The following PTCHD1 variants were observed in gnomAD, a reference collection of about 807,000 sequenced individuals.
PTCHD1 encodes the protein patched domain containing 1.
In PTCHD1, 3 loss-of-function variants were observed where a neutral mutation model predicts 34.6. The ratio of observed to expected loss-of-function variants is 0.09; its 90% CI spans 0.04 to 0.22. PTCHD1 has a LOEUF of 0.22. Among genes scored for constraint, PTCHD1 ranks in the 10% least tolerant of loss-of-function variants. The pLI is 1.00. For missense variants in PTCHD1, 504 were observed against 685.5 expected, an observed-to-expected ratio of 0.74 and a Z score of 2.96; for synonymous variants, 305 against 283.1, an observed-to-expected ratio of 1.08 and a Z score of -0.77.
At chrX:23,342,290 ATATATATATATATATATATATTTT>A (rs1234493950) in intron 1 of PTCHD1, among the ~76,000 whole-genome samples, 22 of 5,987 alleles carry the variant, frequency 3.7e-3, no homozygotes, top group South Asian at 0.016. Flanking sequence ...ATATATATAT[ATATATATATATATATATATATTTT>A]TTTTTTTTTT....
At chrX:23,374,853 T>A (rs925760118) in intron 1 of PTCHD1, among the ~76,000 whole-genome samples, 1 of 111,901 alleles carries the variant, frequency 8.9e-6, no homozygotes, top group Non-Finnish European at 1.9e-5. Context: ...TGTCCTTAAA[T>A]ATTAGCTAGA....
intron 1 of PTCHD1, among the ~76,000 whole-genome samples, chrX:23,365,633 C>A (rs1922120562): frequency 1.8e-5 from 2 of 111,825 alleles, no homozygotes; most frequent in Admixed American, 1.9e-4. Flanking sequence ...TGATCCCACC[C>A]ATGGGGAGGG....
chrX:23,375,287 C>CTTTTT (rs72075900), intron 1 of PTCHD1, among the ~76,000 whole-genome samples: 10 of 83,693 alleles, frequency 1.2e-4, no homozygotes, highest in East Asian at 4.0e-4. Flanking sequence ...GCTGACAATT[C>CTTTTT]TTTTTTTTTT....
chrX:23,360,534 C>T (rs5926294), intron 1 of PTCHD1, among the ~76,000 whole-genome samples: 28,476 of 109,538 alleles, frequency 0.26, 3,107 homozygotes, highest in East Asian at 0.57. Context: ...TTGATTCTTC[C>T]CTCTTTTCTT....
intron 1 of PTCHD1, among the ~76,000 whole-genome samples, chrX:23,366,748 T>C (rs951171468): frequency 3.6e-5 from 4 of 111,735 alleles, no homozygotes; most frequent in Non-Finnish European, 7.5e-5. Flanking sequence ...ACAGTTTGAA[T>C]TTTCTGTGAG....
At position 23,379,791 on chromosome X, in the gene PTCHD1, G is replaced by A. The variant is rs747348529; in HGVS notation, c.552G>A (p.Arg184=). The change falls in exon 2 of 3, where the codon AGG becomes AGA. Residue 184 remains arginine (R), a synonymous_variant. Transcript: ENST00000379361. ...CAATCACTCACTTAAAGGACGGGAG[G>A]GCTGTGTACAATGGGCACCAGCTTG... The part of the protein sequence containing the change: ...TYPITHLKDG[R]AVYNGHQLGG... 5.0e-6 allele frequency: 6 copies of A among 1,209,184 alleles called. No homozygotes were observed. In the African/African-American group the frequency reaches 8.8e-5, roughly 18 times the overall value.
chrX:23,387,725 ATCTC>A (rs1359718737), intron 2 of PTCHD1, among the ~76,000 whole-genome samples: 3 of 110,075 alleles, frequency 2.7e-5, no homozygotes, highest in African/African-American at 3.3e-5. Context: ...GCTCCCTTCA[ATCTC>A]TCTCTCTCTC....
chrX:23,372,903 C>A (rs1008039014), intron 1 of PTCHD1, among the ~76,000 whole-genome samples: 1 of 111,893 alleles, frequency 8.9e-6, no homozygotes, highest in African/African-American at 3.3e-5. Flanking sequence ...TCTAAACATT[C>A]TAATCAGAAA....
chrX:23,358,376 T>C (rs1921870332), intron 1 of PTCHD1, among the ~76,000 whole-genome samples: 1 of 112,394 alleles, frequency 8.9e-6, no homozygotes, highest in Non-Finnish European at 1.9e-5. Context: ...TGGTATCTCA[T>C]TGTGGTTTTG....
In PTCHD1 at chrX:23,376,030, C is replaced by G. The variant is rs1425820524; in HGVS notation, c.352-3561C>G. Among the ~76,000 whole-genome samples, 26 of 111,806 alleles carry G rather than the reference C, an allele frequency of 2.3e-4. No individual in the cohort carries two copies. In the Admixed American group the frequency reaches 2.4e-3, roughly 10 times the overall value. On this transcript the variant is annotated intron_variant, in intron 1 of 2. Coordinates refer to ENST00000379361, the MANE Select transcript of PTCHD1 (RefSeq NM_173495.3). ...GACACTGGTTCGGGCTTTACTAGTA[C>G]AAAGCACTTGGCGTTGTTTACTGTT...
In PTCHD1 at chrX:23,381,421, C is replaced by A. The variant is rs754333169; in HGVS notation, c.1012+1170C>A. On this transcript the variant is annotated intron_variant, in intron 2 of 2. Coordinates refer to ENST00000379361, the MANE Select transcript of PTCHD1 (RefSeq NM_173495.3). ...AATTCCTTTAACAAAATTAAAATGT[C>A]ATTTGGAATCAGATACTCACATGAC... Among the ~76,000 whole-genome samples the A allele has an allele frequency of 3.5e-5, 4 of 112,677 alleles. No individual in the cohort carries two copies. In the South Asian group the frequency reaches 1.5e-3, roughly 41 times the overall value.
At chrX:23,344,896 G>A (rs928834396) in intron 1 of PTCHD1, among the ~76,000 whole-genome samples, 1 of 111,969 alleles carries the variant, frequency 8.9e-6, no homozygotes, top group African/African-American at 3.2e-5. Context: ...AGGTGAGAAC[G>A]TTGATCATTC....
chrX:23,377,533 AACAT>A (rs1922441155), intron 1 of PTCHD1, among the ~76,000 whole-genome samples: 1 of 109,408 alleles, frequency 9.1e-6, no homozygotes, highest in Non-Finnish European at 1.9e-5. Flanking sequence ...CATCAAAACA[AACAT>A]TTAGCATATG....
chrX:23,370,088 C>T (rs1336887872), intron 1 of PTCHD1, among the ~76,000 whole-genome samples: 1 of 112,192 alleles, frequency 8.9e-6, no homozygotes, highest in Non-Finnish European at 1.9e-5. Flanking sequence ...TACTGGGTAC[C>T]ACCTGTGTTT....
At chrX:23,361,243 G>C (rs1170275751) in intron 1 of PTCHD1, among the ~76,000 whole-genome samples, 1 of 111,639 alleles carries the variant, frequency 9.0e-6, no homozygotes, top group African/African-American at 3.3e-5. Context: ...AATATTGACA[G>C]TGGGGTGTTA....
intron 1 of PTCHD1, among the ~76,000 whole-genome samples, chrX:23,364,375 CACACACA>C (rs1922075602): frequency 2.1e-5 from 1 of 46,999 alleles, no homozygotes; most frequent in African/African-American, 8.6e-5. Flanking sequence ...AGTGTAGACA[CACACACA>C]CACACACACA....
chrX:23,376,077 A>T (rs1178078186), intron 1 of PTCHD1, among the ~76,000 whole-genome samples: 3 of 112,058 alleles, frequency 2.7e-5, no homozygotes, highest in African/African-American at 9.7e-5. Flanking sequence ...TTTGTTTTGG[A>T]CACTGCATCT....
chrX:23,338,814 A>G (rs1358997294), intron 1 of PTCHD1, among the ~76,000 whole-genome samples: 1 of 112,040 alleles, frequency 8.9e-6, no homozygotes, highest in Non-Finnish European at 1.9e-5. Context: ...AGTACAGTTG[A>G]CCAAAGTTTT....
intron 1 of PTCHD1, among the ~76,000 whole-genome samples, chrX:23,354,521 A>ATATATC (rs1261335988): frequency 3.8e-5 from 4 of 105,662 alleles, no homozygotes; most frequent in Non-Finnish European, 7.8e-5. Context: ...ATATATATAT[A>ATATATC]AAGAAATCCT....
Sources: gnomAD v4.1 joint callset for allele counts (sites outside exome capture counted in the v4.1 genomes callset) on GRCh38, gnomAD v4.1.1 for gene constraint, MANE v1.5 for transcripts, NCBI Gene and HGNC (gene_info 2026-07-23, HGNC 2026-07-21) for gene names.